DISC1: variants seen among roughly 807,000 people sequenced by gnomAD.
DISC1 encodes the protein disrupted in schizophrenia 1 protein.
DISC1 carries 57 observed loss-of-function variants against 84.5 expected under a neutral mutation model. That is an observed-to-expected ratio of 0.67 (90% CI 0.55 to 0.84). DISC1 has a LOEUF of 0.84. Ranked by LOEUF, DISC1 falls within the 40% of genes least tolerant of loss-of-function variation. DISC1 has a pLI of 0.00. For missense variants in DISC1, 1,000 were observed against 1,057.8 expected (o/e 0.95, Z 0.76); for synonymous variants, 411 against 415.2 (o/e 0.99, Z 0.12).
intron 3 of DISC1, among the ~76,000 whole-genome samples, chr1:231,718,150 C>T (rs947210003): frequency 7.2e-5 from 11 of 152,186 alleles, no homozygotes; most frequent in Non-Finnish European, 1.0e-4. Context: ...TCTGGACACA[C>T]GCACTCGCCT....
In DISC1 at chr1:231,800,132, A is replaced by G; in HGVS notation, c.1714A>G (p.Ser572Gly). ...GGTGTGTATGAGTGAGAAATTCTGC[A>G]GCACCCTGAGGAAGAAAGTTAACGA... is the stretch of plus-strand genomic sequence containing the variant. ...TKVCMSEKFC[S>G]TLRKKVNDIE... is the part of the protein sequence containing the mutation. Residue 572 changes from serine to glycine, a missense_variant, in exon 8 of 13, where the codon AGC becomes GGC. Around this residue, in one of 3 missense-constraint regions of DISC1, gnomAD observed 397 missense variants for 377.5 expected, o/e 1.05. Transcript: ENST00000439617. 6.2e-7 allele frequency: 1 copy of G among 1,611,520 alleles called. No individual in the cohort carries two copies.
Position 231,675,850 on chromosome 1 carries a change from T to TC in DISC1, c.68-17975dup, listed in dbSNP as rs1263281411. Among the ~76,000 whole-genome samples, 3 of 141,716 alleles carry TC rather than the reference T, an allele frequency of 2.1e-5. No homozygotes were observed. Among genetic ancestry groups the TC allele is most frequent in the Non-Finnish European group, 4.6e-5 (3 of 65,434 alleles). 93.0% of individuals were successfully genotyped at this position (141,716 alleles called of 152,430 possible). The stretch of plus-strand genomic sequence containing the variant: ...GGTATATTGTATTTGTTTTTTCTTT[T>TC]CTTTTTTTTTTTTTTTTGACACAGA... On this transcript the variant is annotated intron_variant, in intron 1 of 12. Transcript: ENST00000439617. This position sits in a 1 kb window ranked among gnomAD's most constrained non-coding sequence, Gnocchi z 4.1.
intron 10 of DISC1, among the ~76,000 whole-genome samples, chr1:231,961,018 G>C (rs1005076368): frequency 5.3e-5 from 8 of 152,220 alleles, no homozygotes; most frequent in African/African-American, 1.7e-4. Context: ...ATAGGGTGAG[G>C]TATGGGAAAG....
chr1:231,809,524 G>GAAA (rs10692560), intron 8 of DISC1, among the ~76,000 whole-genome samples: 6,265 of 123,664 alleles, frequency 0.051, 218 homozygotes, highest in Non-Finnish European at 0.074. Flanking sequence ...TTTTTTTTTT[G>GAAA]AAAAAAAAAA....
At chr1:231,948,619 G>T (rs559650510) in intron 9 of DISC1, among the ~76,000 whole-genome samples, 6 of 151,644 alleles carry the variant, frequency 4.0e-5, no homozygotes, top group African/African-American at 1.5e-4. Context: ...AAAAAAAGAA[G>T]TGCTCCCAGG....
At chr1:231,682,918 G>A (rs1048958678) in intron 1 of DISC1, among the ~76,000 whole-genome samples, 5 of 152,192 alleles carry the variant, frequency 3.3e-5, no homozygotes, top group African/African-American at 1.2e-4. Context: ...CCTTAAACAC[G>A]AAGTGGGCTG....
At chr1:231,712,553 A>G (rs2068014787) in intron 3 of DISC1, among the ~76,000 whole-genome samples, 1 of 152,198 alleles carries the variant, frequency 6.6e-6, no homozygotes, top group African/African-American at 2.4e-5. Flanking sequence ...ACTTTGTAGC[A>G]TTTTTATTTG....
At chr1:231,641,768 T>C (rs945758355) in intron 1 of DISC1, among the ~76,000 whole-genome samples, 3 of 152,198 alleles carry the variant, frequency 2.0e-5, no homozygotes, top group African/African-American at 7.2e-5. Context: ...AGAGTGTCCA[T>C]TGGTGCATTC....
intron 3 of DISC1, among the ~76,000 whole-genome samples, chr1:231,740,168 CTGT>C (rs976492392): frequency 6.6e-6 from 1 of 152,188 alleles, no homozygotes; most frequent in Non-Finnish European, 1.5e-5. Context: ...CAATACATTT[CTGT>C]TGTTTAATCT....
intron 7 of DISC1, among the ~76,000 whole-genome samples, chr1:231,799,266 T>G (rs549807644): frequency 6.6e-5 from 10 of 152,280 alleles, no homozygotes; most frequent in African/African-American, 2.4e-4. Flanking sequence ...AAATCTGACT[T>G]GCCAGCAAGT....
At chr1:231,941,922 G>A (rs939206839) in intron 9 of DISC1, among the ~76,000 whole-genome samples, 15 of 152,170 alleles carry the variant, frequency 9.9e-5, no homozygotes, top group African/African-American at 3.4e-4. Context: ...CCTCAAAGGC[G>A]GGAACATTTA....
At chr1:231,817,216 C>A (rs2081096347) in intron 8 of DISC1, among the ~76,000 whole-genome samples, 1 of 152,122 alleles carries the variant, frequency 6.6e-6, no homozygotes, top group African/African-American at 2.4e-5. Flanking sequence ...TCTTGAGTAG[C>A]TGGGATTACA....
chr1:231,789,147 C>T (rs2078120791), intron 6 of DISC1, among the ~76,000 whole-genome samples: 2 of 152,168 alleles, frequency 1.3e-5, no homozygotes, highest in Admixed American at 6.5e-5. Context: ...GTGAAATTTA[C>T]AGCTGTCAAT....
chr1:231,678,968 G>A (rs6684668), intron 1 of DISC1, among the ~76,000 whole-genome samples: 4,690 of 152,252 alleles, frequency 0.031, 242 homozygotes, highest in African/African-American at 0.11. Context: ...GAGCCACCGC[G>A]CCCGGCCACG....
chr1:231,703,357 C>T (rs1389304834), intron 3 of DISC1, among the ~76,000 whole-genome samples: 1 of 152,196 alleles, frequency 6.6e-6, no homozygotes, highest in Non-Finnish European at 1.5e-5. Flanking sequence ...GCGTCAGTGG[C>T]TTCAGCCCGG....
At chr1:231,888,070 A>G (rs2086903618) in intron 9 of DISC1, among the ~76,000 whole-genome samples, 1 of 152,246 alleles carries the variant, frequency 6.6e-6, no homozygotes, top group East Asian at 1.9e-4. Flanking sequence ...GCAGCATTCC[A>G]TATGTCTTAA....
At chr1:231,759,431 GTAA>G (rs2125381403) in intron 4 of DISC1, among the ~76,000 whole-genome samples, 1 of 134,018 alleles carries the variant, frequency 7.5e-6, no homozygotes, top group South Asian at 2.5e-4. Context: ...GCTCACACCT[GTAA>G]TCCCAGCTCT....
At chr1:231,962,329 T>C (rs1558785480) in intron 10 of DISC1, among the ~76,000 whole-genome samples, 1 of 152,236 alleles carries the variant, frequency 6.6e-6, no homozygotes, top group African/African-American at 2.4e-5. Flanking sequence ...TTCTGTAGGT[T>C]GTCTGTTTAC....
chr1:231,807,542 C>A (rs949541552), intron 8 of DISC1, among the ~76,000 whole-genome samples: 1 of 152,240 alleles, frequency 6.6e-6, no homozygotes, highest in Non-Finnish European at 1.5e-5. Context: ...TCCCTAGAAT[C>A]TGTTGTTTTC....
Sources: allele counts gnomAD v4.1 joint callset (sites outside exome capture counted in the v4.1 genomes callset), GRCh38; gene constraint gnomAD v4.1.1; regional missense constraint gnomAD v4.1.1; non-coding constraint Gnocchi (gnomAD v3.1); transcripts MANE v1.5; gene names NCBI Gene and HGNC (gene_info 2026-07-23, HGNC 2026-07-21).